The following NPLOC4 variants were observed in gnomAD, a reference collection of about 807,000 sequenced individuals.
The protein encoded by NPLOC4 is NPL4 homolog, ubiquitin recognition factor, also known as nuclear protein localization protein 4 homolog.
Under a neutral mutation model 80.6 loss-of-function variants are expected in NPLOC4, and 18 were observed. That is an observed-to-expected ratio of 0.22 (90% CI 0.15 to 0.33). The LOEUF (loss-of-function observed/expected upper bound fraction) is 0.33. Ranked by LOEUF, NPLOC4 falls within the 10% of genes least tolerant of loss-of-function variation. The probability of loss-of-function intolerance (pLI) is 1.00; values close to 1 mark genes in which losing one functional copy is unlikely to be tolerated. For synonymous variants in NPLOC4, 313 were observed against 301.5 expected (o/e 1.04, Z -0.39); for missense variants, 540 against 786.1 (o/e 0.69, Z 3.74).
At chr17:81,579,707 T>C (rs1166894749) in intron 12 of NPLOC4, among the ~76,000 whole-genome samples, 2 of 152,180 alleles carry the variant, frequency 1.3e-5, no homozygotes, top group Non-Finnish European at 2.9e-5. Context: ...GCTCCTTTGC[T>C]GGACACCAGG....
intron 11 of NPLOC4, 102 bp from the exon 12 acceptor site, chr17:81,589,206 C>T: frequency 4.7e-6 from 5 of 1,067,248 alleles, no homozygotes; most frequent in African/African-American, 1.6e-5. Context: ...AACAAACCCT[C>T]AAGAGTTTGT....
chr17:81,622,041 T>C (rs1432748746), intron 3 of NPLOC4, 125 bp downstream of exon 3: 5 of 693,164 alleles, frequency 7.2e-6, no homozygotes, highest in South Asian at 3.3e-5. Context: ...ATGTGTATTC[T>C]GGTCAGTTGA....
chr17:81,608,446 C>G (rs35868252), intron 6 of NPLOC4, among the ~76,000 whole-genome samples: 69,182 of 151,986 alleles, frequency 0.46, 16,866 homozygotes, highest in Non-Finnish European at 0.55. Flanking sequence ...CGAGGTGGCT[C>G]ACACCTGTAA....
At chr17:81,597,698 A>C (rs1824708210) in intron 9 of NPLOC4, among the ~76,000 whole-genome samples, 1 of 145,760 alleles carries the variant, frequency 6.9e-6, no homozygotes, top group Non-Finnish European at 1.5e-5. Context: ...CAGGAGAATC[A>C]CTTGAACCCG....
intron 16 of NPLOC4, among the ~76,000 whole-genome samples, chr17:81,559,765 C>G (rs967777204): frequency 2.4e-5 from 3 of 127,536 alleles, no homozygotes; most frequent in African/African-American, 9.1e-5. Flanking sequence ...TAGGGTCTTG[C>G]TCTGTCACCC....
chr17:81,582,798 G>C (rs551736372), intron 12 of NPLOC4, among the ~76,000 whole-genome samples: 9 of 152,352 alleles, frequency 5.9e-5, no homozygotes, highest in African/African-American at 2.2e-4. Context: ...CTGTGTGATG[G>C]GCAGGAGGTC....
intron 9 of NPLOC4, 141 bp downstream of exon 9, chr17:81,600,200 A>G: frequency 1.6e-6 from 1 of 635,664 alleles, no homozygotes; most frequent in Non-Finnish European, 2.8e-6. Context: ...GTTTCAAAAC[A>G]TATAGTGCCT....
intron 1 of NPLOC4, among the ~76,000 whole-genome samples, chr17:81,631,526 T>G (rs368006340): frequency 2.0e-5 from 3 of 150,620 alleles, no homozygotes; most frequent in Non-Finnish European, 4.4e-5. Context: ...GGCATTACTT[T>G]CTAAGACAAC....
At chr17:81,578,120 C>G (rs1288172914) in intron 12 of NPLOC4, among the ~76,000 whole-genome samples, 3 of 152,194 alleles carry the variant, frequency 2.0e-5, no homozygotes, top group Admixed American at 6.5e-5. Flanking sequence ...AGCTTCCCGC[C>G]TCCAGACCAC....
chr17:81,602,487 G>A (rs141335897), intron 8 of NPLOC4, among the ~76,000 whole-genome samples: 4 of 151,816 alleles, frequency 2.6e-5, no homozygotes, highest in Non-Finnish European at 4.4e-5. Context: ...GGTGGATCAC[G>A]AGGTCAGGAG....
intron 12 of NPLOC4, among the ~76,000 whole-genome samples, chr17:81,583,035 A>G (rs778138519): frequency 6.6e-6 from 1 of 152,282 alleles, no homozygotes; most frequent in Non-Finnish European, 1.5e-5. Flanking sequence ...CACAGCAGCC[A>G]CTGCCACGTG....
rs1391695738 is a variant in NPLOC4 at position 81,572,214 on chromosome 17, A to T, written c.1282-126T>A. ...TTTATTTATTTATTTTTTGAGACAGAGTCTTGTGCTGTCGCCCAGGCTGGA... is the reference window on the plus strand; with the variant it reads ...TTTATTTATTTATTTTTTGAGACAGTGTCTTGTGCTGTCGCCCAGGCTGGA... On this transcript the variant is annotated intron_variant, in intron 12 of 16. Transcript: ENST00000331134. This position sits in a 1 kb window ranked among gnomAD's most constrained non-coding sequence, Gnocchi z 4.5. The T allele has an allele frequency of 2.4e-6, 1 of 418,226 alleles. No individual in the cohort carries two copies. The highest frequency in any genetic ancestry group is 2.1e-5 in the African/African-American group (1 of 47,738). The allele number at this position is 418,226 out of a possible 1,614,324, so 25.9% of individuals were successfully genotyped here.
intron 4 of NPLOC4, 102 bp from the exon 5 acceptor site, chr17:81,610,360 G>A: frequency 1.0e-6 from 1 of 991,814 alleles, no homozygotes; most frequent in Non-Finnish European, 1.5e-6. Flanking sequence ...GTGTTTCCCT[G>A]CCCACGTGGA....
rs2035277672 is a variant in NPLOC4, at chr17:81,609,065, T to C, written c.436-243A>G. ...TCTCACTCTGTCGCCCAGGCTGGAG[T>C]GCAGTGGCACAGTGGCACAGTCTCT... On this transcript the variant is annotated intron_variant, in intron 5 of 16. Coordinates refer to ENST00000331134, the MANE Select transcript of NPLOC4 (RefSeq NM_017921.4). 22 of 404,838 alleles carry C rather than the reference T, an allele frequency of 5.4e-5. No homozygotes were observed. In the South Asian group the frequency reaches 7.6e-4, roughly 14 times the overall value. 25.1% of individuals were successfully genotyped at this position (404,838 alleles called of 1,614,324 possible).
intron 12 of NPLOC4, among the ~76,000 whole-genome samples, chr17:81,579,281 G>C (rs2034376414): frequency 6.6e-6 from 1 of 152,216 alleles, no homozygotes; most frequent in Non-Finnish European, 1.5e-5. Flanking sequence ...GGGAAGCTGT[G>C]GCAGGAGAAC....
At chr17:81,598,903 T>C (rs531607278) in intron 9 of NPLOC4, among the ~76,000 whole-genome samples, 1 of 152,218 alleles carries the variant, frequency 6.6e-6, no homozygotes, top group East Asian at 1.9e-4. Context: ...AAACCCAAGG[T>C]GGTGGCAACA....
At chr17:81,569,450 C>T (rs915850815) in intron 13 of NPLOC4, among the ~76,000 whole-genome samples, 26 of 152,318 alleles carry the variant, frequency 1.7e-4, no homozygotes, top group African/African-American at 4.8e-4. Flanking sequence ...TATGGAGGAA[C>T]GAAAGGCTGG....
rs1421057649 is a variant in NPLOC4 at position 81,556,994 on chromosome 17, G to C, written c.*2265C>G. 2 of 152,820 alleles carry C rather than the reference G, an allele frequency of 1.3e-5. No individual in the cohort carries two copies. Among genetic ancestry groups the C allele is most frequent in the East Asian group, 3.8e-4 (2 of 5,204 alleles). The allele number at this position is 152,820 out of a possible 1,614,324, so 9.5% of individuals were successfully genotyped here. A position where few individuals can be genotyped will look rare whatever the true frequency, so the allele number is the denominator to read the frequency against. ...GAGCCGAAACAGAGCCGAAGCAGGA[G>C]CACCTGTGTCCCAGGAGCAGCTGGT... On this transcript the variant is annotated 3_prime_UTR_variant, in exon 17 of 17. Coordinates refer to ENST00000331134, the MANE Select transcript of NPLOC4 (RefSeq NM_017921.4).
chr17:81,585,888 C>G (rs1177454385), intron 12 of NPLOC4, among the ~76,000 whole-genome samples: 1 of 152,066 alleles, frequency 6.6e-6, no homozygotes, highest in African/African-American at 2.4e-5. Flanking sequence ...ACGCGGGAGG[C>G]TGAGGCAGGA....
Sources: gnomAD v4.1 joint callset for allele counts (sites outside exome capture counted in the v4.1 genomes callset) on GRCh38, gnomAD v4.1.1 for gene constraint, Gnocchi (gnomAD v3.1) non-coding constraint, MANE v1.5 for transcripts, NCBI Gene and HGNC (gene_info 2026-07-23, HGNC 2026-07-21) for gene names.